DNAH12: variants seen among roughly 807,000 people sequenced by gnomAD.
DNAH12 encodes axonemal beta dynein heavy chain 12.
A neutral mutation model predicts 371.5 loss-of-function variants in DNAH12; 285 were observed. That is an observed-to-expected ratio of 0.77 (90% CI 0.70 to 0.85). The LOEUF (loss-of-function observed/expected upper bound fraction) is 0.85. DNAH12 is among the 40% of genes least tolerant of loss of function. The probability of loss-of-function intolerance (pLI) is 0.00; values close to 1 mark genes in which losing one functional copy is unlikely to be tolerated. For missense variants in DNAH12, 3,611 were observed against 3,689.4 expected (o/e 0.98, Z 0.55); for synonymous variants, 1,200 against 1,213.0 (o/e 0.99, Z 0.22).
Position 57,433,725 on chromosome 3 carries a change from T to G in DNAH12, c.4759A>C (p.Lys1587Gln). The G allele has an allele frequency of 6.4e-7, 1 of 1,551,496 alleles. No individual in the cohort carries two copies. The highest frequency in any genetic ancestry group is 8.7e-7 in the Non-Finnish European group (1 of 1,146,940). The change falls in exon 31 of 74, where the codon AAG (lysine) becomes CAG (glutamine). Residue 1587 changes from lysine to glutamine, a missense_variant. By Grantham distance (53) the Lys-to-Gln change is moderately conservative (BLOSUM62 1). This residue lies in a region of DNAH12 where 2,266 missense variants were observed against 2,236.9 expected (regional missense o/e 1.01). Coordinates refer to ENST00000495027, the MANE Select transcript of DNAH12 (RefSeq NM_001366028.2). The part of the protein sequence containing the change: ...MNEHGYGEEE[K>Q]VIYRTVNPKS... ...GGGTTTACAGTTCTATAAATGACCT[T>G]TTCTTCCTCTCCATAGCCATGTTCA...
chr3:57,343,505 C>A (rs1168045541), intron 60 of DNAH12, among the ~76,000 whole-genome samples: 1 of 152,282 alleles, frequency 6.6e-6, no homozygotes, highest in African/African-American at 2.4e-5. Context: ...GCACAATGCA[C>A]TGCGGAAAGC....
At chr3:57,554,538 C>A in the DNAH12 span, among the ~76,000 whole-genome samples, 22 of 152,134 alleles carry the variant, frequency 1.4e-4, no homozygotes, top group African/African-American at 5.1e-4. Context: ...CTGCTACTCT[C>A]CCCTGGTCTC....
intron 45 of DNAH12, among the ~76,000 whole-genome samples, chr3:57,390,319 G>T: frequency 7.4e-6 from 1 of 135,980 alleles, no homozygotes; most frequent in Non-Finnish European, 1.6e-5. Context: ...AGGCTGAGGT[G>T]GGAGGATTGC....
Position 57,507,776 on chromosome 3 carries a change from G to A in DNAH12, c.764C>T (p.Ala255Val). The change falls in exon 8 of 74, where the codon GCA becomes GTA. Residue 255 changes from alanine to valine, a missense_variant. By Grantham distance (64) the Ala-to-Val change is moderately conservative (BLOSUM62 0). Coordinates refer to ENST00000495027, the MANE Select transcript of DNAH12 (RefSeq NM_001366028.2). The part of the protein sequence containing the change: ...KTDLSIQTRN[A>V]EEKIMNTWYP... ...CCATGTATTCATTATCTTCTCTTCTGCGTTTCTAGTTTGTATTGATAGATC... is the reference window on the plus strand; with the variant it reads ...CCATGTATTCATTATCTTCTCTTCTACGTTTCTAGTTTGTATTGATAGATC... The A allele has an allele frequency of 6.2e-7, 1 of 1,608,086 alleles. No homozygotes were observed. The highest frequency in any genetic ancestry group is 8.5e-7 in the Non-Finnish European group (1 of 1,179,084).
intron 34 of DNAH12, among the ~76,000 whole-genome samples, chr3:57,427,262 G>T (rs1401545297): frequency 6.6e-6 from 1 of 151,324 alleles, no homozygotes; most frequent in Non-Finnish European, 1.5e-5. Flanking sequence ...ATCTTATATG[G>T]AAAAAGGTCT....
chr3:57,446,011 A>G lies in DNAH12; in HGVS notation c.4179+20T>C, dbSNP rs1391794138. ...AAAAACATAAAATAAATAAATAAAT[A>G]AATAAATAAATAATATTACCTTAAG... On this transcript the variant is annotated intron_variant, in intron 27 of 73. Transcript: ENST00000495027. 6.9e-6 allele frequency: 10 copies of G among 1,443,292 alleles called. No individual in the cohort carries two copies. The highest frequency in any genetic ancestry group is 8.2e-6 in the Non-Finnish European group (9 of 1,094,918). The allele number at this position is 1,443,292 out of a possible 1,614,324, so 89.4% of individuals were successfully genotyped here. A position where few individuals can be genotyped will look rare whatever the true frequency, so the allele number is the denominator to read the frequency against.
At chr3:57,502,018 T>G (rs1164073770) in intron 10 of DNAH12, among the ~76,000 whole-genome samples, 1 of 152,092 alleles carries the variant, frequency 6.6e-6, no homozygotes, top group East Asian at 1.9e-4. Context: ...GCCATTCTCC[T>G]GCCTCAGCCT....
intron 55 of DNAH12, among the ~76,000 whole-genome samples, chr3:57,370,524 C>T (rs2063148843): frequency 2.0e-5 from 3 of 152,104 alleles, no homozygotes; most frequent in Non-Finnish European, 4.4e-5. Flanking sequence ...AACCATTGCA[C>T]AATATTATAA....
chr3:57,309,375 G>A (rs2061540001), intron 68 of DNAH12, 121 bp from the exon 69 acceptor site: 2 of 805,296 alleles, frequency 2.5e-6, no homozygotes, highest in Admixed American at 3.0e-5. Context: ...ATAACGTACA[G>A]TAATGTATAT....
At chr3:57,302,720 C>G (rs927096152) in intron 69 of DNAH12, among the ~76,000 whole-genome samples, 4 of 149,698 alleles carry the variant, frequency 2.7e-5, no homozygotes, top group African/African-American at 9.8e-5. Flanking sequence ...AGATTGCAGG[C>G]ATGCACCACC....
At chr3:57,487,668 G>A (rs1026052636) in intron 12 of DNAH12, among the ~76,000 whole-genome samples, 2 of 152,108 alleles carry the variant, frequency 1.3e-5, no homozygotes, top group African/African-American at 4.8e-5. Flanking sequence ...TCCTTTTGAT[G>A]TTATCTAAAG....
chr3:57,491,051 C>G (rs937276582), intron 11 of DNAH12, among the ~76,000 whole-genome samples: 10 of 122,312 alleles, frequency 8.2e-5, no homozygotes, highest in African/African-American at 3.1e-4. Flanking sequence ...CACTGCACTC[C>G]AGCCTGGAAG....
chr3:57,359,072 C>G (rs1413831574), intron 58 of DNAH12, among the ~76,000 whole-genome samples: 2 of 152,194 alleles, frequency 1.3e-5, no homozygotes, highest in African/African-American at 4.8e-5. Flanking sequence ...GCATGAGCCA[C>G]TGCACCCGGC....
rs1360975551 is a variant in DNAH12 at position 57,394,301 on chromosome 3, T to C, written c.6980A>G (p.Gln2327Arg). 1 of 152,286 alleles carries C rather than the reference T, an allele frequency of 6.6e-6. No homozygotes were observed. Among genetic ancestry groups the C allele is most frequent in the Admixed American group, 6.5e-5 (1 of 15,278 alleles). The allele number at this position is 152,286 out of a possible 1,614,324, so 9.4% of individuals were successfully genotyped here. The change falls in exon 44 of 74, where the codon CAG (glutamine) becomes CGG (arginine). Residue 2327 changes from glutamine to arginine, a missense_variant. Coordinates refer to ENST00000495027, the MANE Select transcript of DNAH12 (RefSeq NM_001366028.2). ...GTCCGTGATAAGAAAGACGGTCTTC[T>C]GGCCCTTCATGCCCACATTCCTTAA... Reference protein sequence around the residue: ...GLLRNVGMKGQKTVFLITDTQ... With the variant: ...GLLRNVGMKGRKTVFLITDTQ...
chr3:57,400,040 G>C (rs1339053771), intron 43 of DNAH12, among the ~76,000 whole-genome samples: 1 of 152,196 alleles, frequency 6.6e-6, no homozygotes, highest in Non-Finnish European at 1.5e-5. Context: ...TGTATTCCCA[G>C]ATCTCTGGGA....
At chr3:57,478,327 A>T (rs1459604525) in intron 13 of DNAH12, among the ~76,000 whole-genome samples, 1 of 152,232 alleles carries the variant, frequency 6.6e-6, no homozygotes, top group Non-Finnish European at 1.5e-5. Flanking sequence ...GGTATCAGTG[A>T]TGGAAGATCA....
At chr3:57,410,242 C>G (rs781839778) in intron 39 of DNAH12, among the ~76,000 whole-genome samples, 11 of 152,054 alleles carry the variant, frequency 7.2e-5, no homozygotes, top group Non-Finnish European at 1.5e-4. Context: ...ATTTTTCCAA[C>G]AGCATTTGCT....
In DNAH12 at chr3:57,433,392, T is replaced by C; in HGVS notation, c.4955A>G (p.Asn1652Ser). The change falls in exon 32 of 74, where the codon AAC (asparagine) becomes AGC (serine). Residue 1652 changes from asparagine (N) to serine (S), a missense_variant. By Grantham distance (46) the Asn-to-Ser change is conservative (BLOSUM62 1). This residue lies in a region of DNAH12 where 2,266 missense variants were observed against 2,236.9 expected (regional missense o/e 1.01). Transcript: ENST00000495027. Reference protein sequence around the residue: ...PIDTLWIESMNTVLDDNKKLC... With the variant: ...PIDTLWIESMSTVLDDNKKLC... ...CTTTTTATTATCATCCAATACTGTG[T>C]TCATGCTCTCTATCCACAAAGTGTC... is the stretch of plus-strand genomic sequence containing the variant. 1 of 1,551,362 alleles carries C rather than the reference T, an allele frequency of 6.4e-7. No individual in the cohort carries two copies. Among genetic ancestry groups the C allele is most frequent in the Non-Finnish European group, 8.7e-7 (1 of 1,146,870 alleles).
intron 43 of DNAH12, among the ~76,000 whole-genome samples, chr3:57,398,793 T>C (rs2063796715): frequency 6.6e-6 from 1 of 152,150 alleles, no homozygotes; most frequent in Non-Finnish European, 1.5e-5. Flanking sequence ...TGACAAGATA[T>C]GCTAAAGGGA....
Sources: gnomAD v4.1 joint callset for allele counts (sites outside exome capture counted in the v4.1 genomes callset) on GRCh38, gnomAD v4.1.1 for gene constraint, gnomAD v4.1.1 regional missense constraint, MANE v1.5 for transcripts, NCBI Gene and HGNC (gene_info 2026-07-23, HGNC 2026-07-21) for gene names.